Variants in RBFOX3 observed in about 807,000 individuals in gnomAD.
RBFOX3 encodes the protein RNA binding protein fox-1 homolog 3.
RBFOX3 carries 17 observed loss-of-function variants against 48.7 expected under a neutral mutation model. The ratio of observed to expected loss-of-function variants is 0.35; its 90% CI spans 0.24 to 0.52. RBFOX3 has a LOEUF of 0.52. Ranked by LOEUF, RBFOX3 falls within the 20% of genes least tolerant of loss-of-function variation. RBFOX3 has a pLI of 0.94. For missense variants in RBFOX3, 382 were observed against 497.5 expected (o/e 0.77, Z 2.21); for synonymous variants, 212 against 209.5 (o/e 1.01, Z -0.10).
At chr17:79,322,786 C>G (rs1006621729) in intron 2 of RBFOX3, among the ~76,000 whole-genome samples, 2 of 152,150 alleles carry the variant, frequency 1.3e-5, no homozygotes, top group Non-Finnish European at 2.9e-5. Context: ...TTTGGGTTCT[C>G]AAGGGGGGCC....
At chr17:79,348,899 T>C (rs1047336856) in intron 2 of RBFOX3, among the ~76,000 whole-genome samples, 4 of 151,820 alleles carry the variant, frequency 2.6e-5, no homozygotes, top group Admixed American at 6.6e-5. Flanking sequence ...TCAATCATAA[T>C]GTGTCCAAGC....
At chr17:79,377,605 G>A (rs949522605) in intron 2 of RBFOX3, among the ~76,000 whole-genome samples, 2 of 152,210 alleles carry the variant, frequency 1.3e-5, no homozygotes, top group Non-Finnish European at 2.9e-5. Flanking sequence ...CGGTTCCACG[G>A]TGACAGCCGG....
chr17:79,401,963 T>C (rs1448288287), intron 2 of RBFOX3, among the ~76,000 whole-genome samples: 2 of 152,244 alleles, frequency 1.3e-5, no homozygotes, highest in African/African-American at 4.8e-5. Context: ...AGGAACCGCA[T>C]ACGGCTCTCT....
chr17:79,282,050 T>G (rs1413471743), intron 3 of RBFOX3, among the ~76,000 whole-genome samples: 1 of 152,198 alleles, frequency 6.6e-6, no homozygotes, highest in Non-Finnish European at 1.5e-5. Context: ...TGACATGAAT[T>G]CAGAGGTTGT....
intron 2 of RBFOX3, among the ~76,000 whole-genome samples, chr17:79,417,583 G>A (rs782584796): frequency 2.0e-5 from 3 of 152,350 alleles, no homozygotes; most frequent in East Asian, 1.9e-4. Context: ...AGGCATTGGC[G>A]AGGGTGTGGG....
At chr17:79,092,245 C>G in intron 14 of RBFOX3, 1 of 985,538 alleles carries the variant, frequency 1.0e-6, no homozygotes, top group Non-Finnish European at 1.2e-6. Flanking sequence ...ACCGCTACTC[C>G]CAGGTTGGGG....
intron 3 of RBFOX3, among the ~76,000 whole-genome samples, chr17:79,269,785 G>A (rs1044281146): frequency 6.7e-6 from 1 of 148,724 alleles, no homozygotes; most frequent in African/African-American, 2.6e-5. Context: ...GCATTTAAAT[G>A]CTGGGTTCCT....
At chr17:79,308,007 G>T (rs1005530536) in intron 2 of RBFOX3, among the ~76,000 whole-genome samples, 183 bp from the exon 3 acceptor site, 2 of 152,220 alleles carry the variant, frequency 1.3e-5, no homozygotes, top group Non-Finnish European at 2.9e-5. Flanking sequence ...CTGTAAGAAG[G>T]TGTCCCTGTC....
chr17:79,380,348 T>C (rs1262457930), intron 2 of RBFOX3, among the ~76,000 whole-genome samples: 1 of 152,262 alleles, frequency 6.6e-6, no homozygotes, highest in Non-Finnish European at 1.5e-5. Context: ...TCTTTTTTAA[T>C]TTTCAATTAT....
intron 2 of RBFOX3, among the ~76,000 whole-genome samples, chr17:79,461,940 G>A (rs1460235297): frequency 6.6e-6 from 1 of 152,210 alleles, no homozygotes; most frequent in Non-Finnish European, 1.5e-5. Flanking sequence ...GCCTCCAGAA[G>A]GAACCAGTCC....
intron 2 of RBFOX3, among the ~76,000 whole-genome samples, chr17:79,408,012 C>T (rs2377405): frequency 0.63 from 95,103 of 152,110 alleles, 29,932 homozygotes; most frequent in East Asian, 0.73. Context: ...TTGTTTCCAG[C>T]GTGGGCTCTG....
intron 2 of RBFOX3, among the ~76,000 whole-genome samples, chr17:79,408,479 T>C (rs9907346): frequency 0.028 from 4,262 of 152,196 alleles, 213 homozygotes; most frequent in African/African-American, 0.096. Context: ...CTCACGGCCA[T>C]CCCAGGAGCC....
intron 2 of RBFOX3, among the ~76,000 whole-genome samples, chr17:79,345,132 A>G (rs999894081): frequency 1.3e-5 from 2 of 152,210 alleles, no homozygotes; most frequent in Non-Finnish European, 2.9e-5. Flanking sequence ...TTCAGAGGAC[A>G]ATTCTAACTG....
chr17:79,372,976 C>G (rs1424326257), intron 2 of RBFOX3, among the ~76,000 whole-genome samples: 1 of 152,144 alleles, frequency 6.6e-6, no homozygotes. Context: ...GGAACAAGGG[C>G]CAGCAATTAG....
rs769546593 is a variant in RBFOX3 at position 79,495,025 on chromosome 17, T to C, written c.-319-12427A>G. ...CTGTCCACGCAGTGGCCATCTGGGA[T>C]ATGGAGGGTGGCACGTTTGCCACAG... On this transcript the variant is annotated intron_variant, in intron 1 of 14. Transcript: ENST00000693108. 5.2e-3 allele frequency among the ~76,000 whole-genome samples: 796 copies of C among 152,178 alleles called. 5 individuals are homozygous for C. Among genetic ancestry groups the C allele is most frequent in the Non-Finnish European group, 8.0e-3 (541 of 68,002 alleles).
At chr17:79,475,480 A>G (rs1249728071) in intron 2 of RBFOX3, among the ~76,000 whole-genome samples, 1 of 152,046 alleles carries the variant, frequency 6.6e-6, no homozygotes, top group Non-Finnish European at 1.5e-5. Flanking sequence ...GCCTTGGAGG[A>G]TACAGTGGGT....
intron 2 of RBFOX3, among the ~76,000 whole-genome samples, chr17:79,317,209 G>A (rs577111893): frequency 1.9e-3 from 288 of 152,252 alleles, no homozygotes; most frequent in Admixed American, 4.1e-3. Context: ...ATATGGCCCG[G>A]CTGAAATTGC....
Position 79,476,961 on chromosome 17 carries a change from A to T in RBFOX3, c.-175+5493T>A, listed in dbSNP as rs948666648. On this transcript the variant is annotated intron_variant, in intron 2 of 14. Transcript: ENST00000693108. ...GAAGAAGAAGAAAAGGAGGAGGAGGAAGGTGCTCACCCTGTAACCCCAGCA... is the reference window on the plus strand; with the variant it reads ...GAAGAAGAAGAAAAGGAGGAGGAGGTAGGTGCTCACCCTGTAACCCCAGCA... Among the ~76,000 whole-genome samples, 102 of 151,602 alleles carry T rather than the reference A, an allele frequency of 6.7e-4. 1 individual carries two copies. The highest frequency in any genetic ancestry group is 2.1e-3 in the African/African-American group (87 of 41,336).
chr17:79,557,946 G>A (rs2091904218), intron 1 of RBFOX3, among the ~76,000 whole-genome samples: 1 of 152,220 alleles, frequency 6.6e-6, no homozygotes, highest in Admixed American at 6.5e-5. Flanking sequence ...GAGACCTGGA[G>A]GGAAGATAAG....
Sources: allele counts gnomAD v4.1 joint callset (sites outside exome capture counted in the v4.1 genomes callset), GRCh38; gene constraint gnomAD v4.1.1; transcripts MANE v1.5; gene names NCBI Gene and HGNC (gene_info 2026-07-23, HGNC 2026-07-21).